Variants in CARS1 observed in about 807,000 individuals in gnomAD.
CARS1 encodes the protein cysteinyl-tRNA synthetase 1.
Under a neutral mutation model 106.2 loss-of-function variants are expected in CARS1, and 48 were observed. That is an observed-to-expected ratio of 0.45 (90% CI 0.36 to 0.57). The LOEUF is 0.57. CARS1 is among the 20% of genes least tolerant of loss of function. The pLI, the probability that CARS1 is intolerant of heterozygous loss-of-function variation, is 0.00. For synonymous variants in CARS1, 409 were observed against 403.4 expected (o/e 1.01, Z -0.17); for missense variants, 968 against 1,057.2 (o/e 0.92, Z 1.17).
At chr11:3,051,442 G>T (rs1336091717) in intron 1 of CARS1, among the ~76,000 whole-genome samples, 1 of 152,150 alleles carries the variant, frequency 6.6e-6, no homozygotes, top group African/African-American at 2.4e-5. Flanking sequence ...CTCCCAGCTG[G>T]AGATGAGATC....
rs1229238870 is a variant in CARS1, at chr11:3,022,541, T to C, written c.1154-2209A>G. ...TCCCGGTATACTGACTCGCTGTGCA[T>C]TGGGCAACAGACCTATTATGGTTAC... On this transcript the variant is annotated intron_variant, in intron 10 of 22. Coordinates refer to ENST00000380525, the MANE Select transcript of CARS1 (RefSeq NM_001014437.3). The surrounding 1 kb of genome is among the most constrained non-coding windows in gnomAD (Gnocchi z 4.9). 3.9e-5 allele frequency among the ~76,000 whole-genome samples: 6 copies of C among 152,220 alleles called. No individual in the cohort carries two copies. The highest frequency in any genetic ancestry group is 3.9e-4 in the Admixed American group (6 of 15,284).
Position 3,019,624 on chromosome 11 carries a change from A to T in CARS1, c.1267-357T>A, listed in dbSNP as rs1851383417. Reference sequence around the variant, plus strand: ...GAGGCTGAGGCAGGAGAATTGCTTGAACCGGGACTAGGAGGCAGAGGTTGC... The same window carrying T: ...GAGGCTGAGGCAGGAGAATTGCTTGTACCGGGACTAGGAGGCAGAGGTTGC... On this transcript the variant is annotated intron_variant, in intron 11 of 22. Transcript: ENST00000380525. This position sits in a 1 kb window ranked among gnomAD's most constrained non-coding sequence, Gnocchi z 6.2. Among the ~76,000 whole-genome samples the T allele has an allele frequency of 6.6e-6, 1 of 151,900 alleles. No homozygotes were observed. Among genetic ancestry groups the T allele is most frequent in the Non-Finnish European group, 1.5e-5 (1 of 67,974 alleles).
At chr11:3,035,966 T>C (rs1358820657) in intron 7 of CARS1, among the ~76,000 whole-genome samples, 1 of 152,220 alleles carries the variant, frequency 6.6e-6, no homozygotes, top group Non-Finnish European at 1.5e-5. Flanking sequence ...CAGTGGGCTG[T>C]TGAACAAACA....
intron 18 of CARS1, chr11:3,009,671 AAACCCT>A (rs1369876106): frequency 2.6e-5 from 4 of 152,324 alleles, no homozygotes; most frequent in African/African-American, 9.6e-5. Flanking sequence ...TCTCCTGGTC[AAACCCT>A]GAACCCATTG....
In CARS1 at chr11:3,048,730, C is replaced by T. The variant is rs1478990484; in HGVS notation, c.26-729G>A. On this transcript the variant is annotated intron_variant, in intron 1 of 22. Coordinates refer to ENST00000380525, the MANE Select transcript of CARS1 (RefSeq NM_001014437.3). This position sits in a 1 kb window ranked among gnomAD's most constrained non-coding sequence, Gnocchi z 5.1. ...CTAGCATGGCTTCTGCAGGTCAAGG[C>T]CACAGCCTCAGGAGGACTGGGCCCC... 6.6e-6 allele frequency among the ~76,000 whole-genome samples: 1 copy of T among 152,202 alleles called. No individual in the cohort carries two copies. Among genetic ancestry groups the T allele is most frequent in the Non-Finnish European group, 1.5e-5 (1 of 68,030 alleles).
Position 3,041,222 on chromosome 11 carries a change from C to A in CARS1, c.367-238G>T. On this transcript the variant is annotated intron_variant, in intron 3 of 22. Coordinates refer to ENST00000380525, the MANE Select transcript of CARS1 (RefSeq NM_001014437.3). The surrounding 1 kb of genome is among the most constrained non-coding windows in gnomAD (Gnocchi z 4.9). ...GCCTCTTCCTCCCTGGGGTTCTACTCATCTATGGAGGGAGGCGATAAAGGG... is the reference window on the plus strand; with the variant it reads ...GCCTCTTCCTCCCTGGGGTTCTACTAATCTATGGAGGGAGGCGATAAAGGG... 5.6e-6 allele frequency: 3 copies of A among 535,684 alleles called. No individual in the cohort carries two copies. The highest frequency in any genetic ancestry group is 9.9e-6 in the Non-Finnish European group (3 of 301,970). The allele number at this position is 535,684 out of a possible 1,614,324, so 33.2% of individuals were successfully genotyped here.
chr11:3,057,301 G>A (rs1308317023), intron 1 of CARS1, 42 bp downstream of exon 1: 4 of 1,583,050 alleles, frequency 2.5e-6, no homozygotes, highest in Non-Finnish European at 3.5e-6. Flanking sequence ...CGCCCAGTCA[G>A]GCCCCCAGCC....
Position 3,037,148 on chromosome 11 carries a change from T to C in CARS1, c.801+902A>G, listed in dbSNP as rs1337312663. ...CAGGCAGGCACTGAGGCAGTGACAG[T>C]GACCACATGTGGGTCGTCCCAGAAG... On this transcript the variant is annotated intron_variant, in intron 7 of 22. Transcript: ENST00000380525. The surrounding 1 kb of genome is among the most constrained non-coding windows in gnomAD (Gnocchi z 5.9). Among the ~76,000 whole-genome samples the C allele has an allele frequency of 6.6e-6, 1 of 152,202 alleles. No homozygotes were observed. Among genetic ancestry groups the C allele is most frequent in the Non-Finnish European group, 1.5e-5 (1 of 68,036 alleles).
At chr11:3,023,750 A>T (rs1276101340) in intron 10 of CARS1, among the ~76,000 whole-genome samples, 1 of 152,010 alleles carries the variant, frequency 6.6e-6, no homozygotes, top group Admixed American at 6.5e-5. Context: ...GTTCTTCTAT[A>T]TTATTTTTTG....
In CARS1 at chr11:3,044,289, C is replaced by T. The variant is rs1854846877; in HGVS notation, c.275-2033G>A. Among the ~76,000 whole-genome samples the T allele has an allele frequency of 6.6e-6, 1 of 152,340 alleles. No individual in the cohort carries two copies. Among genetic ancestry groups the T allele is most frequent in the South Asian group, 2.1e-4 (1 of 4,826 alleles). ...GGCCACAGCCAGCATTCCTGCTCCC[C>T]TAAGGCTGCTATCTCCACACAGCTG... is the stretch of plus-strand genomic sequence containing the variant. On this transcript the variant is annotated intron_variant, in intron 2 of 22. Coordinates refer to ENST00000380525, the MANE Select transcript of CARS1 (RefSeq NM_001014437.3). This position sits in a 1 kb window ranked among gnomAD's most constrained non-coding sequence, Gnocchi z 4.4.
chr11:3,003,645 G>A lies in CARS1; in HGVS notation c.2218-1045C>T, dbSNP rs1186002390. 3.3e-5 allele frequency among the ~76,000 whole-genome samples: 5 copies of A among 152,152 alleles called. No homozygotes were observed. The highest frequency in any genetic ancestry group is 1.3e-4 in the Admixed American group (2 of 15,280). On this transcript the variant is annotated intron_variant, in intron 20 of 22. Transcript: ENST00000380525. The surrounding 1 kb of genome is among the most constrained non-coding windows in gnomAD (Gnocchi z 4.8). ...GGGGCCAACAGGATCGAGCTCTTTC[G>A]AGATAGATGGAGGGAGAGCAGGGCT...
rs1855582673 is a variant in CARS1 at position 3,050,669 on chromosome 11, GA to G, written c.26-2669del. 1.3e-5 allele frequency among the ~76,000 whole-genome samples: 2 copies of G among 152,154 alleles called. No individual in the cohort carries two copies. Among genetic ancestry groups the G allele is most frequent in the Non-Finnish European group, 2.9e-5 (2 of 68,026 alleles). On this transcript the variant is annotated intron_variant, in intron 1 of 22. Coordinates refer to ENST00000380525, the MANE Select transcript of CARS1 (RefSeq NM_001014437.3). The surrounding 1 kb of genome is among the most constrained non-coding windows in gnomAD (Gnocchi z 6.3). ...TCATGCTGGCCATGGGCCCCCACCT[GA>G]CTCACAATACCCTAGTCACATGGCC...
Position 3,022,936 on chromosome 11 carries a change from G to T in CARS1, c.1154-2604C>A, listed in dbSNP as rs533196676. ...ACACTCCTTATGACTCCCCATGGTG[G>T]GGGGAGGTTGCGGGGGTGGTCATGT... On this transcript the variant is annotated intron_variant, in intron 10 of 22. Transcript: ENST00000380525. This position sits in a 1 kb window ranked among gnomAD's most constrained non-coding sequence, Gnocchi z 4.9. 6.6e-6 allele frequency among the ~76,000 whole-genome samples: 1 copy of T among 152,198 alleles called. No homozygotes were observed. The highest frequency in any genetic ancestry group is 1.5e-5 in the Non-Finnish European group (1 of 68,024).
At chr11:3,042,314 G>T in intron 2 of CARS1, 58 bp from the exon 3 acceptor site, 1 of 1,294,742 alleles carries the variant, frequency 7.7e-7, no homozygotes, top group Non-Finnish European at 1.1e-6. Context: ...AGTGCAAGTC[G>T]CCTCTTCACC....
In CARS1 at chr11:3,039,970, A is replaced by C; in HGVS notation, c.456-39T>G. On this transcript the variant is annotated intron_variant, in intron 4 of 22. Transcript: ENST00000380525. This position sits in a 1 kb window ranked among gnomAD's most constrained non-coding sequence, Gnocchi z 5.6. ...AAAACAAACATTTCCACACCAGACG[A>C]TATGTATAGCTTAACCTCCAACAAC... 1.9e-6 allele frequency: 2 copies of C among 1,064,172 alleles called. No homozygotes were observed. Among genetic ancestry groups the C allele is most frequent in the Non-Finnish European group, 2.8e-6 (2 of 705,890 alleles). 65.9% of individuals were successfully genotyped at this position (1,064,172 alleles called of 1,614,324 possible). A position where few individuals can be genotyped will look rare whatever the true frequency, so the allele number is the denominator to read the frequency against.
At chr11:3,001,495 T>C (rs1170692829) in intron 22 of CARS1, among the ~76,000 whole-genome samples, 1 of 152,174 alleles carries the variant, frequency 6.6e-6, no homozygotes, top group African/African-American at 2.4e-5. Context: ...TGAGGGGCAC[T>C]GTGCCCCTCA....
In CARS1 at chr11:3,012,176, T is replaced by C. The variant is rs112877889; in HGVS notation, c.2068+19A>G. 2.8e-5 allele frequency: 45 copies of C among 1,611,582 alleles called. 2 individuals carry two copies. The African/African-American group carries it at 3.7e-4, about 13-fold the overall frequency. ...TGAGGGGAGTGGCTCCCACACTCTT[T>C]CCAGCAACTGGTCCTCACCTTTTTG... On this transcript the variant is annotated intron_variant, in intron 18 of 22. Transcript: ENST00000380525.
In CARS1 at chr11:3,041,307, T is replaced by C; in HGVS notation, c.367-323A>G. 2.8e-6 allele frequency: 1 copy of C among 357,644 alleles called. No homozygotes were observed. Among genetic ancestry groups the C allele is most frequent in the Non-Finnish European group, 5.2e-6 (1 of 190,666 alleles). 22.2% of individuals were successfully genotyped at this position (357,644 alleles called of 1,614,324 possible). A position where few individuals can be genotyped will look rare whatever the true frequency, so the allele number is the denominator to read the frequency against. ...TATTTAACAATAACACAGCTAATAT[T>C]TACTGAGTACCTACCATGTGCCAGG... On this transcript the variant is annotated intron_variant, in intron 3 of 22. Coordinates refer to ENST00000380525, the MANE Select transcript of CARS1 (RefSeq NM_001014437.3). The surrounding 1 kb of genome is among the most constrained non-coding windows in gnomAD (Gnocchi z 4.9).
Position 3,004,563 on chromosome 11 carries a change from G to A in CARS1, c.2217+803C>T, listed in dbSNP as rs1374795546. ...CCCCATGGCCCACCTCCCATGGTGT[G>A]CACTGGGGGCCCAGGTGCCTCTCAT... On this transcript the variant is annotated intron_variant, in intron 20 of 22. Coordinates refer to ENST00000380525, the MANE Select transcript of CARS1 (RefSeq NM_001014437.3). The surrounding 1 kb of genome is among the most constrained non-coding windows in gnomAD (Gnocchi z 5.2). Among the ~76,000 whole-genome samples the A allele has an allele frequency of 6.6e-6, 1 of 152,226 alleles. No homozygotes were observed. The highest frequency in any genetic ancestry group is 2.4e-5 in the African/African-American group (1 of 41,466).
Sources: allele counts gnomAD v4.1 joint callset (sites outside exome capture counted in the v4.1 genomes callset), GRCh38; gene constraint gnomAD v4.1.1; non-coding constraint Gnocchi (gnomAD v3.1); transcripts MANE v1.5; gene names NCBI Gene and HGNC (gene_info 2026-07-23, HGNC 2026-07-21).